ASAH2B: variants seen among roughly 807,000 people sequenced by gnomAD.
ASAH2B encodes the protein putative inactive neutral ceramidase B.
Under a neutral mutation model 2.9 loss-of-function variants are expected in ASAH2B, and 1 was observed. That is an observed-to-expected ratio of 0.34 (90% CI 0.12 to 1.63). The LOEUF (loss-of-function observed/expected upper bound fraction) is 1.63, where lower values mean the gene tolerates loss of function less well. Ranked by LOEUF, ASAH2B falls within the 40% of genes most tolerant of loss-of-function variation. The pLI is 0.36. For synonymous variants in ASAH2B, 4 were observed against 13.3 expected (o/e 0.30, Z 1.52); for missense variants, 9 against 37.7 (o/e 0.24, Z 1.99).
intron 3 of ASAH2B, among the ~76,000 whole-genome samples, chr10:50,748,911 A>G (rs1418857291): frequency 6.6e-6 from 1 of 151,814 alleles, no homozygotes; most frequent in Non-Finnish European, 1.5e-5. Flanking sequence ...GGGAGGATAA[A>G]TACACATCCT....
chr10:50,754,425 G>A, intron 5 of ASAH2B, 126 bp from the exon 6 acceptor site: 1 of 120,330 alleles, frequency 8.3e-6, no homozygotes, highest in East Asian at 2.5e-4. Context: ...TCAATGTCTT[G>A]ATAGTGCCTT....
In ASAH2B at chr10:50,759,095, G is replaced by T. The variant is rs1166103177; in HGVS notation, c.*4355G>T. On this transcript the variant is annotated 3_prime_UTR_variant, in exon 6 of 6. Coordinates refer to ENST00000647317, the MANE Select transcript of ASAH2B (RefSeq NM_001321958.2). Reference sequence around the variant, plus strand: ...GTACTTTATCAAGACTATAGTTAGAGTATAAGGAAAGAGTTGACAGTGAGG... The same window carrying T: ...GTACTTTATCAAGACTATAGTTAGATTATAAGGAAAGAGTTGACAGTGAGG... 1 of 149,078 alleles carries T rather than the reference G, an allele frequency of 6.7e-6. No homozygotes were observed. The highest frequency in any genetic ancestry group is 6.8e-5 in the Admixed American group (1 of 14,620). 9.2% of individuals were successfully genotyped at this position (149,078 alleles called of 1,614,324 possible).
At chr10:50,740,889 A>T (rs953557059) in intron 1 of ASAH2B, among the ~76,000 whole-genome samples, 5 of 152,236 alleles carry the variant, frequency 3.3e-5, no homozygotes, top group Admixed American at 3.3e-4. Context: ...TATCTCACAC[A>T]TACAGATACT....
chr10:50,748,626 T>C (rs1463990165), intron 3 of ASAH2B, among the ~76,000 whole-genome samples: 2,015 of 124,560 alleles, frequency 0.016, no homozygotes, highest in East Asian at 0.047. Flanking sequence ...ATCTCCAGAT[T>C]TCTGTCTCTG....
chr10:50,747,433 C>G (rs1418072243), intron 3 of ASAH2B, among the ~76,000 whole-genome samples: 1 of 151,408 alleles, frequency 6.6e-6, no homozygotes, highest in Non-Finnish European at 1.5e-5. Flanking sequence ...GTACCTTCAT[C>G]TTTGTTTTTT....
In ASAH2B at chr10:50,757,766, T is replaced by C. The variant is rs1294856168; in HGVS notation, c.*3026T>C. ...GGTATCGGAGAGGGAAATTTGCACA[T>C]TCCTTATGCAATTTGTTAGTATGCA... On this transcript the variant is annotated 3_prime_UTR_variant, in exon 6 of 6. Coordinates refer to ENST00000647317, the MANE Select transcript of ASAH2B (RefSeq NM_001321958.2). The C allele has an allele frequency of 2.0e-5, 3 of 151,144 alleles. No individual in the cohort carries two copies. The highest frequency in any genetic ancestry group is 3.0e-5 in the Non-Finnish European group (2 of 67,538). The allele number at this position is 151,144 out of a possible 1,614,324, so 9.4% of individuals were successfully genotyped here.
intron 3 of ASAH2B, among the ~76,000 whole-genome samples, chr10:50,747,888 G>A (rs1839931280): frequency 6.6e-6 from 1 of 150,832 alleles, no homozygotes; most frequent in African/African-American, 2.4e-5. Context: ...TGGGGCAATA[G>A]TGCTTTCAAA....
intron 1 of ASAH2B, among the ~76,000 whole-genome samples, chr10:50,741,521 A>G (rs193082459): frequency 3.3e-4 from 50 of 152,342 alleles, no homozygotes; most frequent in African/African-American, 1.1e-3. Flanking sequence ...GAGTACTGGG[A>G]CTGTTCAGGA....
rs989673458 is a variant in ASAH2B at position 50,758,783 on chromosome 10, C to T, written c.*4043C>T. On this transcript the variant is annotated 3_prime_UTR_variant, in exon 6 of 6. Transcript: ENST00000647317. ...ATAATGAAGGCAAAGCTATTCCCTG[C>T]CAAAAGGAACTTAGAGTTTAACGAA... 6.6e-6 allele frequency: 1 copy of T among 151,928 alleles called. No homozygotes were observed. Among genetic ancestry groups the T allele is most frequent in the African/African-American group, 2.4e-5 (1 of 41,394 alleles). 9.4% of individuals were successfully genotyped at this position (151,928 alleles called of 1,614,324 possible).
Position 50,757,115 on chromosome 10 carries a change from T to C in ASAH2B, c.*2375T>C, listed in dbSNP as rs1248035505. 2 of 151,442 alleles carry C rather than the reference T, an allele frequency of 1.3e-5. No homozygotes were observed. The highest frequency in any genetic ancestry group is 3.0e-5 in the Non-Finnish European group (2 of 67,724). 9.4% of individuals were successfully genotyped at this position (151,442 alleles called of 1,614,324 possible). Reference sequence around the variant, plus strand: ...AATCTCTTTGCCGGGTCTAGATTTTTTGATGAGTACTGTGTAAAATTGTCA... The same window carrying C: ...AATCTCTTTGCCGGGTCTAGATTTTCTGATGAGTACTGTGTAAAATTGTCA... On this transcript the variant is annotated 3_prime_UTR_variant, in exon 6 of 6. Coordinates refer to ENST00000647317, the MANE Select transcript of ASAH2B (RefSeq NM_001321958.2).
chr10:50,748,772 A>G (rs1193288882), intron 3 of ASAH2B, among the ~76,000 whole-genome samples: 2 of 150,600 alleles, frequency 1.3e-5, no homozygotes, highest in African/African-American at 5.0e-5. Flanking sequence ...CCGTAAACTG[A>G]TGACATTGAG....
At position 50,755,044 on chromosome 10, in the gene ASAH2B, G is replaced by C. The variant is rs577807891; in HGVS notation, c.*304G>C. 3.0e-6 allele frequency: 1 copy of C among 330,932 alleles called. No individual in the cohort carries two copies. The highest frequency in any genetic ancestry group is 5.5e-6 in the Non-Finnish European group (1 of 183,120). The allele number at this position is 330,932 out of a possible 1,614,324, so 20.5% of individuals were successfully genotyped here. ...AAGCATGATTTCCCTTGAAGTCTTGGGGTTGTTTAAAGGAGAGTCCCTTCA... is the reference window on the plus strand; with the variant it reads ...AAGCATGATTTCCCTTGAAGTCTTGCGGTTGTTTAAAGGAGAGTCCCTTCA... On this transcript the variant is annotated 3_prime_UTR_variant, in exon 6 of 6. Coordinates refer to ENST00000647317, the MANE Select transcript of ASAH2B (RefSeq NM_001321958.2).
chr10:50,740,543 C>A (rs1288840410), intron 1 of ASAH2B, among the ~76,000 whole-genome samples: 1 of 152,202 alleles, frequency 6.6e-6, no homozygotes, highest in Admixed American at 6.5e-5. Flanking sequence ...TGCAGCCTTG[C>A]AGTGTATCCC....
chr10:50,749,005 C>G (rs1360682598), intron 3 of ASAH2B, among the ~76,000 whole-genome samples: 1 of 151,692 alleles, frequency 6.6e-6, no homozygotes, highest in African/African-American at 2.4e-5. Flanking sequence ...TTTGACTGTT[C>G]TAATTTGATT....
rs1313201473 is a variant in ASAH2B at position 50,744,668 on chromosome 10, A to G, written c.-3-460A>G. ...TGATCTTAAATTTTAAATTAAAAAT[A>G]TATTTATTATATTCTTTTATTAGCA... is the stretch of plus-strand genomic sequence containing the variant. On this transcript the variant is annotated intron_variant, in intron 2 of 5. Transcript: ENST00000647317. The G allele has an allele frequency of 2.0e-5, 3 of 151,182 alleles. No individual in the cohort carries two copies. In the East Asian group the frequency reaches 5.8e-4, roughly 29 times the overall value. 9.4% of individuals were successfully genotyped at this position (151,182 alleles called of 1,614,324 possible). A position where few individuals can be genotyped will look rare whatever the true frequency, so the allele number is the denominator to read the frequency against.
At chr10:50,753,496 C>T (rs2132730869) in intron 5 of ASAH2B, among the ~76,000 whole-genome samples, 1 of 28,034 alleles carries the variant, frequency 3.6e-5, no homozygotes, top group Middle Eastern at 9.6e-3. Context: ...AAGTTTTTAG[C>T]TAATAGCAGT....
At chr10:50,746,869 G>A (rs1289478967) in intron 3 of ASAH2B, among the ~76,000 whole-genome samples, 1 of 151,074 alleles carries the variant, frequency 6.6e-6, no homozygotes, top group East Asian at 1.9e-4. Context: ...TTGCTATAGA[G>A]TTGTTTGAGT....
chr10:50,757,008 G>C lies in ASAH2B; in HGVS notation c.*2268G>C, dbSNP rs1276785150. 6.6e-6 allele frequency: 1 copy of C among 151,708 alleles called. No individual in the cohort carries two copies. The highest frequency in any genetic ancestry group is 2.4e-5 in the African/African-American group (1 of 41,390). The allele number at this position is 151,708 out of a possible 1,614,324, so 9.4% of individuals were successfully genotyped here. A position where few individuals can be genotyped will look rare whatever the true frequency, so the allele number is the denominator to read the frequency against. ...CAATTTTGGAGATTTTGTTTCTCAT[G>C]TTAAAGTGTCTGCATTTTATTTGCT... On this transcript the variant is annotated 3_prime_UTR_variant, in exon 6 of 6. Transcript: ENST00000647317.
chr10:50,743,076 GTGTC>G, intron 2 of ASAH2B, 66 bp downstream of exon 2: 1 of 1,541,754 alleles, frequency 6.5e-7, no homozygotes, highest in Non-Finnish European at 9.0e-7. Context: ...GTATGTGTCT[GTGTC>G]TGGGTAAGAG....
Sources: gnomAD v4.1 joint callset for allele counts (sites outside exome capture counted in the v4.1 genomes callset) on GRCh38, gnomAD v4.1.1 for gene constraint, MANE v1.5 for transcripts, NCBI Gene and HGNC (gene_info 2026-07-23, HGNC 2026-07-21) for gene names.